The following RSPH6A variants were observed in gnomAD, a reference collection of about 807,000 sequenced individuals.
RSPH6A encodes the protein radial spoke head protein 6 homolog A.
Under a neutral mutation model 66.1 loss-of-function variants are expected in RSPH6A, and 49 were observed. That is an observed-to-expected ratio of 0.74 (90% CI 0.59 to 0.94). The LOEUF is 0.94. RSPH6A is among the 40% of genes least tolerant of loss of function. The probability of loss-of-function intolerance (pLI) is 0.00; values close to 1 mark genes in which losing one functional copy is unlikely to be tolerated. For synonymous variants in RSPH6A, 419 were observed against 402.4 expected, an observed-to-expected ratio of 1.04 and a Z score of -0.49; for missense variants, 977 against 948.3, an observed-to-expected ratio of 1.03 and a Z score of -0.40.
chr19:45,801,946 T>G (rs1256378013), intron 4 of RSPH6A, among the ~76,000 whole-genome samples, 174 bp downstream of exon 4: 1 of 152,206 alleles, frequency 6.6e-6, no homozygotes, highest in Non-Finnish European at 1.5e-5. Flanking sequence ...TCTATGGACA[T>G]GTTCCCAGAA....
chr19:45,814,701 T>G lies in RSPH6A; in HGVS notation c.476A>C (p.Glu159Ala). The G allele has an allele frequency of 6.2e-7, 1 of 1,613,100 alleles. No individual in the cohort carries two copies. Among genetic ancestry groups the G allele is most frequent in the Non-Finnish European group, 8.5e-7 (1 of 1,179,528 alleles). The change falls in exon 1 of 6, where the codon GAA becomes GCA. Residue 159 changes from glutamate (E) to alanine (A), a missense_variant. Coordinates refer to ENST00000221538, the MANE Select transcript of RSPH6A (RefSeq NM_030785.4). ...TATGTAAGGCCCGTGCTGGGCACCTTCAGAGAACTGGTCTGTCTGGTAGAG... is the reference window on the plus strand; with the variant it reads ...TATGTAAGGCCCGTGCTGGGCACCTGCAGAGAACTGGTCTGTCTGGTAGAG... ...FNLYQTDQFS[E>A]GAQHGPYIRD...
At chr19:45,813,375 G>A (rs1457133824) in intron 1 of RSPH6A, among the ~76,000 whole-genome samples, 6 of 151,984 alleles carry the variant, frequency 3.9e-5, no homozygotes, top group East Asian at 1.9e-4. Context: ...ATGGAGTCTC[G>A]CTCTGTTGCC....
chr19:45,813,097 G>A (rs1970649757), intron 1 of RSPH6A, among the ~76,000 whole-genome samples: 1 of 152,058 alleles, frequency 6.6e-6, no homozygotes, highest in Admixed American at 6.6e-5. Context: ...GACACGGCCA[G>A]CTTTGTGCTT....
rs200690733 is a variant in RSPH6A at position 45,795,913 on chromosome 19, C to T, written c.2110G>A (p.Glu704Lys). 6.2e-7 allele frequency: 1 copy of T among 1,613,658 alleles called. No homozygotes were observed. Among genetic ancestry groups the T allele is most frequent in the Non-Finnish European group, 8.5e-7 (1 of 1,179,932 alleles). Residue 704 changes from glutamate to lysine, a missense_variant, in exon 6 of 6, where the codon GAG becomes AAG. Transcript: ENST00000221538. ...CCCTCCTCCTCCTCCTCGCCCTCCTCCTCCTCCTCTGTGGCTCCCAGGGCT... is the reference window on the plus strand; with the variant it reads ...CCCTCCTCCTCCTCCTCGCCCTCCTTCTCCTCCTCTGTGGCTCCCAGGGCT... ...EQALGATEEE[E>K]EGEEEEEGEE... is the part of the protein sequence containing the mutation.
intron 4 of RSPH6A, among the ~76,000 whole-genome samples, chr19:45,801,146 G>T (rs1260880674): frequency 5.3e-5 from 8 of 152,126 alleles, no homozygotes; most frequent in African/African-American, 1.9e-4. Context: ...TCACCTGTCT[G>T]AGCCTCAGTG....
chr19:45,805,359 G>T (rs938428328), intron 2 of RSPH6A, among the ~76,000 whole-genome samples: 1 of 150,862 alleles, frequency 6.6e-6, no homozygotes, highest in Non-Finnish European at 1.5e-5. Context: ...ATTGCTCCAC[G>T]CACTCCAGCC....
At chr19:45,811,647 G>A (rs1970629198) in intron 1 of RSPH6A, among the ~76,000 whole-genome samples, 1 of 151,494 alleles carries the variant, frequency 6.6e-6, no homozygotes, top group Admixed American at 6.6e-5. Flanking sequence ...TGGTGGCCAG[G>A]CTGGTCTCAA....
chr19:45,801,263 A>C (rs1970470862), intron 4 of RSPH6A, among the ~76,000 whole-genome samples: 1 of 152,196 alleles, frequency 6.6e-6, no homozygotes, highest in Admixed American at 6.5e-5. Flanking sequence ...GGCGCCCAGC[A>C]GGGCCTCCAG....
intron 5 of RSPH6A, among the ~76,000 whole-genome samples, chr19:45,797,732 G>T (rs987815940): frequency 4.9e-4 from 75 of 152,086 alleles, no homozygotes; most frequent in African/African-American, 1.8e-3. Flanking sequence ...GCTGGGCGTG[G>T]TAGTGGGCGC....
Position 45,795,762 on chromosome 19 carries a change from G to T in RSPH6A, c.*107C>A. 1 of 1,020,542 alleles carries T rather than the reference G, an allele frequency of 9.8e-7. No homozygotes were observed. The highest frequency in any genetic ancestry group is 1.4e-6 in the Non-Finnish European group (1 of 697,864). 63.2% of individuals were successfully genotyped at this position (1,020,542 alleles called of 1,614,324 possible). ...GCAGTTGCCTTCCTTTTCTATCCCT[G>T]CCCTCTGGGGACAGGAAGCACATAG... On this transcript the variant is annotated 3_prime_UTR_variant, in exon 6 of 6. Transcript: ENST00000221538.
At chr19:45,810,905 C>A in intron 1 of RSPH6A, 65 bp from the exon 2 acceptor site, 1 of 1,408,670 alleles carries the variant, frequency 7.1e-7, no homozygotes, top group South Asian at 1.3e-5. Flanking sequence ...AGCTGGCTCC[C>A]ATGTGCCTGG....
intron 1 of RSPH6A, among the ~76,000 whole-genome samples, chr19:45,812,719 A>G (rs141538555): frequency 8.6e-5 from 13 of 151,994 alleles, no homozygotes; most frequent in African/African-American, 3.1e-4. Context: ...TGTTTGAGAC[A>G]GAGTCTCGCT....
intron 2 of RSPH6A, among the ~76,000 whole-genome samples, chr19:45,806,506 A>T (rs764002552): frequency 4.0e-5 from 6 of 151,688 alleles, no homozygotes; most frequent in Non-Finnish European, 7.4e-5. Flanking sequence ...TCTGGTCTCT[A>T]CTAAAAATAC....
chr19:45,800,085 A>G (rs1194462403), intron 5 of RSPH6A, among the ~76,000 whole-genome samples: 1 of 151,992 alleles, frequency 6.6e-6, no homozygotes, highest in African/African-American at 2.4e-5. Context: ...AACAAGAAGA[A>G]CTGTCCAGGG....
intron 1 of RSPH6A, 85 bp downstream of exon 1, chr19:45,814,442 T>A (rs1050407969): frequency 7.8e-7 from 1 of 1,283,450 alleles, no homozygotes; most frequent in Non-Finnish European, 1.0e-6. Context: ...GATGATCCCT[T>A]GTCTGACTGA....
rs765302960 is a variant in RSPH6A, at chr19:45,804,997, T to C, written c.908A>G (p.Asn303Ser). The change falls in exon 3 of 6, where the codon AAC becomes AGC. Residue 303 changes from asparagine to serine, a missense_variant. Asn to Ser is a conservative substitution (Grantham distance 46). Coordinates refer to ENST00000221538, the MANE Select transcript of RSPH6A (RefSeq NM_030785.4). This position sits in a 1 kb window ranked among gnomAD's most constrained non-coding sequence, Gnocchi z 5.8. ...EEEVGETPVP[N>S]IMETAFYFEQ... is the part of the protein sequence containing the mutation. ...GAAGTAGAAGGCAGTCTCCATGATG[T>C]TGGGCACTGGTGTCTCCCCCTGCGC... 1.2e-6 allele frequency: 2 copies of C among 1,611,308 alleles called. No individual in the cohort carries two copies. The highest frequency in any genetic ancestry group is 2.7e-5 in the African/African-American group (2 of 74,918).
intron 2 of RSPH6A, among the ~76,000 whole-genome samples, chr19:45,809,001 T>C (rs981291791): frequency 1.9e-5 from 2 of 103,098 alleles, no homozygotes; most frequent in African/African-American, 8.8e-5. Context: ...TTTTGTTTTT[T>C]GCTTTTTTTT....
intron 5 of RSPH6A, among the ~76,000 whole-genome samples, chr19:45,797,357 G>A (rs938309740): frequency 6.7e-6 from 1 of 149,954 alleles, no homozygotes; most frequent in African/African-American, 2.5e-5. Context: ...CTCCAGCCTG[G>A]GTGACAGAGT....
intron 5 of RSPH6A, 52 bp from the exon 6 acceptor site, chr19:45,796,158 G>GA: frequency 4.8e-5 from 54 of 1,132,922 alleles, no homozygotes; most frequent in Non-Finnish European, 6.2e-5. Context: ...CCCCAGACTT[G>GA]ACTTTTTTTT....
Sources: allele counts gnomAD v4.1 joint callset (sites outside exome capture counted in the v4.1 genomes callset), GRCh38; gene constraint gnomAD v4.1.1; non-coding constraint Gnocchi (gnomAD v3.1); transcripts MANE v1.5; gene names NCBI Gene and HGNC (gene_info 2026-07-23, HGNC 2026-07-21).